The following PADI4 variants were observed in gnomAD, a reference collection of about 807,000 sequenced individuals.
PADI4 encodes protein-arginine deiminase type-4.
PADI4 carries 62 observed loss-of-function variants against 75.0 expected under a neutral mutation model. The ratio of observed to expected loss-of-function variants is 0.83; its 90% CI spans 0.67 to 1.02. The LOEUF (loss-of-function observed/expected upper bound fraction) is 1.02. Ranked by LOEUF, PADI4 falls within the 50% of genes least tolerant of loss-of-function variation. The pLI is 0.00. For synonymous variants in PADI4, 361 were observed against 348.1 expected, an observed-to-expected ratio of 1.04 and a Z score of -0.41; for missense variants, 845 against 850.5, an observed-to-expected ratio of 0.99 and a Z score of 0.08.
intron 6 of PADI4, among the ~76,000 whole-genome samples, chr1:17,341,274 T>C (rs1311248568): frequency 6.6e-6 from 1 of 152,116 alleles, no homozygotes; most frequent in Non-Finnish European, 1.5e-5. Flanking sequence ...AATTTTTTTG[T>C]GTTTTTAGTA....
rs1245966834 is a variant in PADI4 at position 17,314,873 on chromosome 1, C to T, written c.92+6559C>T. The stretch of plus-strand genomic sequence containing the variant: ...TGCAAAACCACAAGCACATGCTGTG[C>T]CCTGGCTGGCTGGTGTAGACAGACT... On this transcript the variant is annotated intron_variant, in intron 1 of 15. Transcript: ENST00000375448. Among the ~76,000 whole-genome samples, 3 of 152,370 alleles carry T rather than the reference C, an allele frequency of 2.0e-5. No individual in the cohort carries two copies. In the East Asian group the frequency reaches 5.8e-4, roughly 29 times the overall value.
chr1:17,331,782 G>A (rs191711612), intron 2 of PADI4, among the ~76,000 whole-genome samples: 113 of 152,282 alleles, frequency 7.4e-4, no homozygotes, highest in Non-Finnish European at 1.2e-3. Context: ...GCTGGGCGTA[G>A]TGGCGAGCGC....
chr1:17,333,516 C>T (rs2074253451), intron 2 of PADI4, among the ~76,000 whole-genome samples: 1 of 151,954 alleles, frequency 6.6e-6, no homozygotes, highest in South Asian at 2.1e-4. Context: ...CTCCCCAGAT[C>T]CCCCAGGACC....
chr1:17,334,698 T>A (rs994767001), intron 3 of PADI4: 1 of 449,488 alleles, frequency 2.2e-6, no homozygotes, highest in Non-Finnish European at 4.5e-6. Flanking sequence ...CAAATTCCAT[T>A]ATTTATATCT....
In PADI4 at chr1:17,345,901, C is replaced by G. The variant is rs530865864; in HGVS notation, c.936-127C>G. Reference sequence around the variant, plus strand: ...TAATGCCTGCTAAGAGCAGATGGACCGGACGTGCCAGGAGCCTCTGTTCAG... The same window carrying G: ...TAATGCCTGCTAAGAGCAGATGGACGGGACGTGCCAGGAGCCTCTGTTCAG... On this transcript the variant is annotated intron_variant, in intron 8 of 15. Coordinates refer to ENST00000375448, the MANE Select transcript of PADI4 (RefSeq NM_012387.3). 6.4e-6 allele frequency: 4 copies of G among 621,172 alleles called. No individual in the cohort carries two copies. The African/African-American group carries it at 7.4e-5, about 12-fold the overall frequency. The allele number at this position is 621,172 out of a possible 1,614,324, so 38.5% of individuals were successfully genotyped here. A position where few individuals can be genotyped will look rare whatever the true frequency, so the allele number is the denominator to read the frequency against.
Position 17,324,616 on chromosome 1 carries a change from G to C in PADI4, c.93-6353G>C, listed in dbSNP as rs191853366. Among the ~76,000 whole-genome samples, 544 of 152,300 alleles carry C rather than the reference G, an allele frequency of 3.6e-3. 3 individuals are homozygous for C. Among genetic ancestry groups the C allele is most frequent in the Non-Finnish European group, 6.4e-3 (433 of 68,034 alleles). On this transcript the variant is annotated intron_variant, in intron 1 of 15. Transcript: ENST00000375448. ...CAAAGCACTGGGATTAAAGGTGTGA[G>C]CCACTGCACCTGGCCTATTTATTTA...
intron 1 of PADI4, among the ~76,000 whole-genome samples, chr1:17,318,935 G>A (rs1197389653): frequency 4.6e-5 from 7 of 151,892 alleles, no homozygotes; most frequent in South Asian, 2.1e-4. Context: ...TGATCCACCC[G>A]CCTCGGCCTC....
At chr1:17,308,841 A>G (rs1270348782) in intron 1 of PADI4, among the ~76,000 whole-genome samples, 1 of 152,120 alleles carries the variant, frequency 6.6e-6, no homozygotes, top group African/African-American at 2.4e-5. Context: ...GGCCTTGGGC[A>G]ACTGAGCCTC....
intron 1 of PADI4, among the ~76,000 whole-genome samples, chr1:17,310,652 C>T (rs185342429): frequency 3.3e-5 from 5 of 152,010 alleles, no homozygotes; most frequent in East Asian, 1.9e-4. Flanking sequence ...AACACCTAAC[C>T]GAGGGTCACA....
intron 1 of PADI4, among the ~76,000 whole-genome samples, chr1:17,321,902 G>T (rs767705910): frequency 2.6e-5 from 4 of 152,168 alleles, no homozygotes. Context: ...AGAAGATGAA[G>T]AAATTTTTTT....
intron 11 of PADI4, 119 bp downstream of exon 11, chr1:17,354,806 G>T: frequency 1.0e-6 from 1 of 992,022 alleles, no homozygotes; most frequent in Non-Finnish European, 1.4e-6. Flanking sequence ...ACAGACTTGA[G>T]GGAGTGTGAG....
At chr1:17,362,747 T>C (rs148124637) in intron 15 of PADI4, among the ~76,000 whole-genome samples, 2 of 152,346 alleles carry the variant, frequency 1.3e-5, no homozygotes, top group East Asian at 1.9e-4. Flanking sequence ...GTAGTCCAAG[T>C]ATAGCTGGGT....
chr1:17,322,258 C>T lies in PADI4; in HGVS notation c.93-8711C>T, dbSNP rs147985253. 5.5e-3 allele frequency among the ~76,000 whole-genome samples: 841 copies of T among 152,254 alleles called. 10 individuals are homozygous for T. The highest frequency in any genetic ancestry group is 0.019 in the African/African-American group (804 of 41,540). On this transcript the variant is annotated intron_variant, in intron 1 of 15. Coordinates refer to ENST00000375448, the MANE Select transcript of PADI4 (RefSeq NM_012387.3). ...ATCCCAACACTTTGGGAGGCCAAGG[C>T]GGGTGGATCACCTGAGGTCAGGAGT... is the stretch of plus-strand genomic sequence containing the variant.
At chr1:17,349,065 G>A (rs768222309) in intron 10 of PADI4, among the ~76,000 whole-genome samples, 6 of 152,236 alleles carry the variant, frequency 3.9e-5, no homozygotes, top group Non-Finnish European at 8.8e-5. Context: ...TCCTGGCCAA[G>A]CTGTGCGCTG....
intron 1 of PADI4, among the ~76,000 whole-genome samples, chr1:17,310,487 C>A (rs2073802416): frequency 6.6e-6 from 1 of 152,186 alleles, no homozygotes. Context: ...ACCTCCGCCC[C>A]TCATATTCAT....
intron 13 of PADI4, 33 bp from the exon 14 acceptor site, chr1:17,358,805 C>T (rs773324494): frequency 2.7e-6 from 4 of 1,466,936 alleles, no homozygotes; most frequent in Admixed American, 3.7e-5. Flanking sequence ...CCTCTAAGTT[C>T]ATTTGCCTTT....
intron 1 of PADI4, among the ~76,000 whole-genome samples, chr1:17,323,868 C>T (rs1191918831): frequency 7.2e-6 from 1 of 138,248 alleles, no homozygotes; most frequent in African/African-American, 2.6e-5. Context: ...ACAAAAAAAA[C>T]ACAAACAAAC....
intron 10 of PADI4, among the ~76,000 whole-genome samples, chr1:17,351,491 T>C (rs1460354416): frequency 6.6e-6 from 1 of 151,282 alleles, no homozygotes; most frequent in Non-Finnish European, 1.5e-5. Flanking sequence ...ATGCCTATAG[T>C]TCCAGCTACT....
chr1:17,358,260 A>T (rs1411106453), intron 13 of PADI4, among the ~76,000 whole-genome samples: 1 of 145,898 alleles, frequency 6.9e-6, no homozygotes, highest in Non-Finnish European at 1.5e-5. Context: ...AACAAAAAAA[A>T]AATTACACTA....
Sources: gnomAD v4.1 joint callset for allele counts (sites outside exome capture counted in the v4.1 genomes callset) on GRCh38, gnomAD v4.1.1 for gene constraint, MANE v1.5 for transcripts, NCBI Gene and HGNC (gene_info 2026-07-23, HGNC 2026-07-21) for gene names.